The following JDP2 variants were observed in gnomAD, a reference collection of about 807,000 sequenced individuals.
JDP2 encodes Jun dimerization protein 2.
JDP2 carries 9 observed loss-of-function variants against 17.1 expected under a neutral mutation model. The observed-to-expected ratio is 0.53, with a 90% CI of 0.32 to 0.92. The LOEUF (loss-of-function observed/expected upper bound fraction) is 0.92. Among genes scored for constraint, JDP2 ranks in the 40% least tolerant of loss-of-function variants. The pLI, the probability that JDP2 is intolerant of heterozygous loss-of-function variation, is 0.04. For synonymous variants in JDP2, 107 were observed against 95.6 expected (o/e 1.12, Z -0.69); for missense variants, 179 against 220.0 (o/e 0.81, Z 1.18).
intron 3 of JDP2, among the ~76,000 whole-genome samples, chr14:75,466,826 T>C (rs1566749799): frequency 6.6e-6 from 1 of 152,196 alleles, no homozygotes; most frequent in Non-Finnish European, 1.5e-5. Context: ...CTCCATTGGG[T>C]TCATAGTCAG....
intron 2 of JDP2, among the ~76,000 whole-genome samples, chr14:75,459,438 G>T (rs950176668): frequency 6.6e-6 from 1 of 152,238 alleles, no homozygotes; most frequent in Non-Finnish European, 1.5e-5. Flanking sequence ...CTGACTCCCA[G>T]GTGGGGTGGG....
At chr14:75,434,186 T>A (rs1226454294) in intron 1 of JDP2, among the ~76,000 whole-genome samples, 1 of 152,128 alleles carries the variant, frequency 6.6e-6, no homozygotes, top group African/African-American at 2.4e-5. Flanking sequence ...CACATCAAAT[T>A]GTTTTATTTT....
intron 1 of JDP2, among the ~76,000 whole-genome samples, chr14:75,432,540 A>T (rs910803193): frequency 6.6e-6 from 1 of 151,894 alleles, no homozygotes; most frequent in African/African-American, 2.4e-5. Context: ...TGCCCCTGTA[A>T]ACTCCCTCCC....
At chr14:75,427,787 C>T (rs1884588630), upstream of JDP2, 1 of 151,960 alleles carries the variant, frequency 6.6e-6, no homozygotes, top group Admixed American at 6.6e-5. This position sits in a 1 kb window ranked among gnomAD's most constrained non-coding sequence, Gnocchi z 4.4. Context: ...GGGACGCCCC[C>T]GCGGGGAGAG....
At chr14:75,462,686 G>A (rs377428414) in intron 3 of JDP2, among the ~76,000 whole-genome samples, 19 of 152,166 alleles carry the variant, frequency 1.2e-4, no homozygotes, top group African/African-American at 4.3e-4. Flanking sequence ...CAGCAGACAC[G>A]GTCCTCCTGT....
intron 2 of JDP2, among the ~76,000 whole-genome samples, chr14:75,451,432 T>C (rs2139975951): frequency 6.6e-6 from 1 of 152,244 alleles, no homozygotes; most frequent in African/African-American, 2.4e-5. Context: ...TAGTGAGCCC[T>C]CAGGGACATC....
Position 75,469,863 on chromosome 14 carries a change from T to G in JDP2, c.*388T>G, listed in dbSNP as rs1012724371. The stretch of plus-strand genomic sequence containing the variant: ...ACCTCCGAACAGCCAGGAAAAGCCA[T>G]GAGTTGCAACCAAAACGCGGCTGAG... On this transcript the variant is annotated 3_prime_UTR_variant, in exon 4 of 4. Transcript: ENST00000651602. The G allele has an allele frequency of 5.9e-6, 1 of 169,062 alleles. No homozygotes were observed. The highest frequency in any genetic ancestry group is 1.7e-4 in the East Asian group (1 of 5,942). The allele number at this position is 169,062 out of a possible 1,614,324, so 10.5% of individuals were successfully genotyped here. A position where few individuals can be genotyped will look rare whatever the true frequency, so the allele number is the denominator to read the frequency against.
At chr14:75,462,228 G>T (rs1886374652) in intron 3 of JDP2, among the ~76,000 whole-genome samples, 1 of 152,200 alleles carries the variant, frequency 6.6e-6, no homozygotes, top group Non-Finnish European at 1.5e-5. Flanking sequence ...TCTCAGAAAT[G>T]GTGGCTGGCA....
intron 2 of JDP2, among the ~76,000 whole-genome samples, chr14:75,460,626 G>A (rs941281453): frequency 6.6e-5 from 10 of 152,216 alleles, no homozygotes; most frequent in East Asian, 3.9e-4. Flanking sequence ...GTCACCGCCC[G>A]TTGGGTGCCA....
intron 2 of JDP2, among the ~76,000 whole-genome samples, chr14:75,441,441 A>C (rs1885348433): frequency 6.6e-6 from 1 of 152,204 alleles, no homozygotes. Context: ...AGCATCTACT[A>C]TGTGCTGAGC....
chr14:75,465,354 CAG>C (rs1886525447), intron 3 of JDP2, among the ~76,000 whole-genome samples: 1 of 152,114 alleles, frequency 6.6e-6, no homozygotes, highest in African/African-American at 2.4e-5. Flanking sequence ...GTTTTTGAGA[CAG>C]AGTCTCACTT....
At chr14:75,455,837 C>A (rs1886076977) in intron 2 of JDP2, among the ~76,000 whole-genome samples, 1 of 152,176 alleles carries the variant, frequency 6.6e-6, no homozygotes, top group Non-Finnish European at 1.5e-5. Context: ...TTTAAATAAA[C>A]CCCTGTTTCC....
At chr14:75,427,604 C>G (rs1884579844), upstream of JDP2, 1 of 152,752 alleles carries the variant, frequency 6.5e-6, no homozygotes, top group African/African-American at 2.4e-5. The surrounding 1 kb of genome is among the most constrained non-coding windows in gnomAD (Gnocchi z 4.4). Flanking sequence ...TGACTTTTCC[C>G]CCGGCTCCGG....
chr14:75,465,843 A>G (rs1252623041), intron 3 of JDP2, among the ~76,000 whole-genome samples: 1 of 152,200 alleles, frequency 6.6e-6, no homozygotes, highest in Non-Finnish European at 1.5e-5. Flanking sequence ...TTCTATTCTA[A>G]AACAACAAAT....
chr14:75,466,581 A>G (rs1175821060), intron 3 of JDP2, among the ~76,000 whole-genome samples: 1 of 152,242 alleles, frequency 6.6e-6, no homozygotes, highest in Non-Finnish European at 1.5e-5. Flanking sequence ...AAGTTACCCT[A>G]CACTGCACTG....
chr14:75,438,993 G>C (rs1007370396), intron 2 of JDP2, among the ~76,000 whole-genome samples: 6 of 152,244 alleles, frequency 3.9e-5, no homozygotes, highest in African/African-American at 1.4e-4. Context: ...GTGGGAGGTG[G>C]GGAAGAGGCT....
intron 3 of JDP2, 22 bp from the exon 4 acceptor site, chr14:75,469,268 G>A (rs376102829): frequency 2.7e-5 from 44 of 1,605,470 alleles, no homozygotes; most frequent in Middle Eastern, 3.3e-4. Context: ...AACTCACAGC[G>A]TGCTTCTGTG....
chr14:75,451,453 G>A (rs1043938032), intron 2 of JDP2, among the ~76,000 whole-genome samples: 21 of 152,186 alleles, frequency 1.4e-4, no homozygotes, highest in African/African-American at 4.1e-4. Context: ...CACGTTGAGC[G>A]TCTGGCCCAG....
intron 2 of JDP2, among the ~76,000 whole-genome samples, chr14:75,440,743 C>G (rs1885305290): frequency 6.6e-6 from 1 of 152,206 alleles, no homozygotes; most frequent in South Asian, 2.1e-4. Flanking sequence ...CCGGGTCTCA[C>G]TTGTGCTGAG....
Sources: gnomAD v4.1 joint callset for allele counts (sites outside exome capture counted in the v4.1 genomes callset) on GRCh38, gnomAD v4.1.1 for gene constraint, Gnocchi (gnomAD v3.1) non-coding constraint, MANE v1.5 for transcripts, NCBI Gene and HGNC (gene_info 2026-07-23, HGNC 2026-07-21) for gene names.